ACACB: variants seen among roughly 807,000 people sequenced by gnomAD.
The protein encoded by ACACB is acetyl-CoA carboxylase 2.
ACACB carries 209 observed loss-of-function variants against 278.8 expected under a neutral mutation model. The ratio of observed to expected loss-of-function variants is 0.75; its 90% CI spans 0.67 to 0.84. The LOEUF is 0.84. ACACB is among the 40% of genes least tolerant of loss of function. The pLI, the probability that ACACB is intolerant of heterozygous loss-of-function variation, is 0.00. For synonymous variants in ACACB, 1,174 were observed against 1,285.6 expected (o/e 0.91, Z 1.86); for missense variants, 2,850 against 3,269.0 (o/e 0.87, Z 3.13).
upstream of ACACB, among the ~76,000 whole-genome samples, chr12:109,112,854 T>G (rs1461691429): frequency 6.6e-6 from 1 of 152,192 alleles, no homozygotes; most frequent in African/African-American, 2.4e-5. Context: ...TGGCAAACTT[T>G]CTGTGAAGGG....
At chr12:109,261,388 A>T (rs1424604857) in intron 48 of ACACB, among the ~76,000 whole-genome samples, 1 of 152,118 alleles carries the variant, frequency 6.6e-6, no homozygotes, top group Non-Finnish European at 1.5e-5. Flanking sequence ...GGGCACTTAG[A>T]CCCTTGTTAG....
intron 9 of ACACB, 137 bp downstream of exon 9, chr12:109,176,400 T>G: frequency 1.2e-6 from 1 of 809,588 alleles, no homozygotes; most frequent in Non-Finnish European, 2.0e-6. Flanking sequence ...GTATCGTATT[T>G]TGCAACAAAC....
In ACACB at chr12:109,166,971, G is replaced by C. The variant is rs146426104; in HGVS notation, c.764G>C (p.Gly255Ala). Residue 255 changes from glycine (G) to alanine (A), a missense_variant, in exon 3 of 53, where the codon GGG (glycine) becomes GCG (alanine). Gly to Ala is a moderately conservative substitution (Grantham distance 60, BLOSUM62 0). This residue lies in a region of ACACB where 2,265 missense variants were observed against 2,561.3 expected (regional missense o/e 0.88). Transcript: ENST00000338432. ...ASPAEFVTRFGGDRVIEKVLI... is the reference protein window; with the variant it reads ...ASPAEFVTRFAGDRVIEKVLI... Reference sequence around the variant, plus strand: ...CCCGCTGAGTTTGTCACACGCTTTGGGGGGGATCGGGTCATCGAGAAGGTA... The same window carrying C: ...CCCGCTGAGTTTGTCACACGCTTTGCGGGGGATCGGGTCATCGAGAAGGTA... 92 of 1,614,014 alleles carry C rather than the reference G, an allele frequency of 5.7e-5. No individual in the cohort carries two copies. The South Asian group carries it at 5.9e-4, about 10-fold the overall frequency.
intron 13 of ACACB, among the ~76,000 whole-genome samples, chr12:109,189,380 A>G (rs527370078): frequency 3.3e-4 from 50 of 152,306 alleles, no homozygotes; most frequent in African/African-American, 1.2e-3. Flanking sequence ...GGCTTACTTA[A>G]TAGGAGTAGG....
chr12:109,135,808 C>CTTTTTT (rs59597788), intron 1 of ACACB, among the ~76,000 whole-genome samples: 2 of 117,272 alleles, frequency 1.7e-5, no homozygotes, highest in African/African-American at 3.0e-5. Flanking sequence ...AGAGGTAATA[C>CTTTTTT]TTTTTTTTTT....
intron 9 of ACACB, 65 bp downstream of exon 9, chr12:109,176,328 A>G (rs2044282563): frequency 4.4e-6 from 6 of 1,370,632 alleles, no homozygotes; most frequent in Admixed American, 1.7e-5. Context: ...CTGCCAGATT[A>G]TTTCTCTTAG....
At chr12:109,147,994 T>C (rs990815260) in intron 2 of ACACB, among the ~76,000 whole-genome samples, 1 of 152,248 alleles carries the variant, frequency 6.6e-6, no homozygotes, top group Non-Finnish European at 1.5e-5. Flanking sequence ...TAAATTTTTC[T>C]TCTGTCTTTG....
chr12:109,185,224 T>C (rs1294090609), intron 11 of ACACB, among the ~76,000 whole-genome samples: 1 of 152,224 alleles, frequency 6.6e-6, no homozygotes, highest in Non-Finnish European at 1.5e-5. Flanking sequence ...TCGGGTGCCC[T>C]TTACAAAAAC....
In ACACB at chr12:109,222,496, TG is replaced by T. The variant is rs1268261103; in HGVS notation, c.3565-10del. 6.2e-7 allele frequency: 1 copy of T among 1,613,356 alleles called. No individual in the cohort carries two copies. Among genetic ancestry groups the T allele is most frequent in the African/African-American group, 1.3e-5 (1 of 74,920 alleles). On this transcript the variant is annotated splice_polypyrimidine_tract_variant and intron_variant, in intron 24 of 52. Coordinates refer to ENST00000338432, the MANE Select transcript of ACACB (RefSeq NM_001093.4). The stretch of plus-strand genomic sequence containing the variant: ...AGAAAAGCCATTTGGCTTCTTTTTC[TG>T]TCCCCTAAGGATGAGCTGTGTGGCC...
Position 109,265,453 on chromosome 12 carries a change from A to T in ACACB, c.7178A>T (p.Asp2393Val). ...QWLEQHWQAG[D>V]GPRSTIRENI... ...CTGGAACAGCACTGGCAGGCAGGGG[A>T]TGGCCCGCGCTCCACCATCCGTGAG... Residue 2393 changes from aspartate to valine, a missense_variant, in exon 52 of 53, where the codon GAT becomes GTT. This residue lies in a region of ACACB where 579 missense variants were observed against 684.6 expected (regional missense o/e 0.85). Transcript: ENST00000338432. 6.2e-7 allele frequency: 1 copy of T among 1,612,328 alleles called. No homozygotes were observed. The highest frequency in any genetic ancestry group is 8.5e-7 in the Non-Finnish European group (1 of 1,179,514).
At chr12:109,240,727 C>T (rs1209423511) in intron 35 of ACACB, among the ~76,000 whole-genome samples, 1 of 151,722 alleles carries the variant, frequency 6.6e-6, no homozygotes, top group Admixed American at 6.6e-5. Flanking sequence ...CTCACTAGTT[C>T]AGGTAGTTCC....
intron 1 of ACACB, among the ~76,000 whole-genome samples, chr12:109,134,171 A>G (rs1214671340): frequency 6.6e-6 from 1 of 152,136 alleles, no homozygotes; most frequent in East Asian, 1.9e-4. Context: ...TATGTCCCCA[A>G]GCACCACCCA....
intron 1 of ACACB, among the ~76,000 whole-genome samples, chr12:109,136,821 T>A (rs574652993): frequency 6.6e-6 from 1 of 152,232 alleles, no homozygotes; most frequent in Non-Finnish European, 1.5e-5. Context: ...TCTTCCTTCC[T>A]AATCTCTATG....
intron 15 of ACACB, among the ~76,000 whole-genome samples, chr12:109,192,535 C>T (rs1459261714): frequency 6.6e-6 from 1 of 152,044 alleles, no homozygotes; most frequent in Non-Finnish European, 1.5e-5. Context: ...TGAGTCATGA[C>T]AATCAAATAT....
chr12:109,133,419 C>T (rs1356623763), intron 1 of ACACB, among the ~76,000 whole-genome samples: 2 of 151,982 alleles, frequency 1.3e-5, no homozygotes, highest in East Asian at 1.9e-4. Context: ...TTTGTGGAGA[C>T]GGGGTTTCGC....
intron 42 of ACACB, chr12:109,252,411 C>A: frequency 3.2e-6 from 1 of 316,828 alleles, no homozygotes; most frequent in Non-Finnish European, 5.7e-6. Context: ...TGCCATTACA[C>A]ATTGCAGAAA....
intron 2 of ACACB, among the ~76,000 whole-genome samples, chr12:109,142,539 A>C (rs2043146596): frequency 6.6e-6 from 1 of 151,990 alleles, no homozygotes; most frequent in South Asian, 2.1e-4. Context: ...TATAAAGGCG[A>C]AAACTATCTC....
intron 19 of ACACB, among the ~76,000 whole-genome samples, chr12:109,205,343 G>A (rs1056503261): frequency 1.3e-5 from 2 of 152,170 alleles, no homozygotes; most frequent in South Asian, 2.1e-4. Flanking sequence ...CTGGGAGATC[G>A]AGTAACTTCA....
At chr12:109,134,259 C>T (rs1282299915) in intron 1 of ACACB, among the ~76,000 whole-genome samples, 1 of 152,200 alleles carries the variant, frequency 6.6e-6, no homozygotes, top group Admixed American at 6.5e-5. Flanking sequence ...GAAGTCTGTA[C>T]CCAGGCCTCC....
Sources: allele counts gnomAD v4.1 joint callset (sites outside exome capture counted in the v4.1 genomes callset), GRCh38; gene constraint gnomAD v4.1.1; regional missense constraint gnomAD v4.1.1; transcripts MANE v1.5; gene names NCBI Gene and HGNC (gene_info 2026-07-23, HGNC 2026-07-21).